ITPR2: variants seen among roughly 807,000 people sequenced by gnomAD.
ITPR2 encodes the protein inositol 1,4,5-trisphosphate-gated calcium channel ITPR2.
Under a neutral mutation model 317.1 loss-of-function variants are expected in ITPR2, and 207 were observed. That is an observed-to-expected ratio of 0.65 (90% CI 0.58 to 0.73). The LOEUF (loss-of-function observed/expected upper bound fraction) is 0.73. ITPR2 is among the 30% of genes least tolerant of loss of function. ITPR2 has a pLI of 0.00. For synonymous variants in ITPR2, 1,156 were observed against 1,149.1 expected (o/e 1.01, Z -0.12); for missense variants, 2,613 against 3,284.0 (o/e 0.80, Z 4.99).
chr12:26,532,863 T>C (rs1943982539), intron 37 of ITPR2, among the ~76,000 whole-genome samples: 1 of 152,002 alleles, frequency 6.6e-6, no homozygotes, highest in Admixed American at 6.6e-5. Context: ...TTTTTGTATT[T>C]TTAGTAGAGA....
intron 55 of ITPR2, among the ~76,000 whole-genome samples, chr12:26,372,461 C>T (rs749107149): frequency 6.6e-6 from 1 of 152,142 alleles, no homozygotes; most frequent in African/African-American, 2.4e-5. Context: ...GGGATGTTTA[C>T]GCATTTTACA....
chr12:26,540,531 A>G (rs182356208), intron 37 of ITPR2, among the ~76,000 whole-genome samples: 1 of 152,174 alleles, frequency 6.6e-6, no homozygotes, highest in Non-Finnish European at 1.5e-5. Context: ...CAAATGTCCT[A>G]TACTTACTAG....
intron 37 of ITPR2, among the ~76,000 whole-genome samples, chr12:26,499,346 A>G (rs1462974223): frequency 6.6e-6 from 1 of 152,216 alleles, no homozygotes; most frequent in African/African-American, 2.4e-5. Context: ...TAATATTCAG[A>G]CTGCCATAGA....
chr12:26,422,936 A>G (rs1021418908), intron 49 of ITPR2, among the ~76,000 whole-genome samples: 1 of 152,198 alleles, frequency 6.6e-6, no homozygotes, highest in African/African-American at 2.4e-5. Flanking sequence ...TCTCCATTTC[A>G]GGGGCATTAC....
chr12:26,599,059 G>T (rs756663471), intron 30 of ITPR2, 86 bp downstream of exon 30: 67 of 1,194,318 alleles, frequency 5.6e-5, no homozygotes, highest in Non-Finnish European at 7.2e-5. Flanking sequence ...AACCTATGTT[G>T]TTGGGGGCTT....
At chr12:26,428,167 T>C in intron 48 of ITPR2, 79 bp from the exon 49 acceptor site, 1 of 1,082,552 alleles carries the variant, frequency 9.2e-7, no homozygotes, top group Non-Finnish European at 1.3e-6. Flanking sequence ...CTACTTTATA[T>C]GGTATCATTA....
chr12:26,609,645 T>C lies in ITPR2; in HGVS notation c.3463-6939A>G, dbSNP rs2136770096. ...TGGAAAAGTTAAAAAAAAAAGATAG[T>C]AACTTATTTATAGCATGAAGGGAAA... On this transcript the variant is annotated intron_variant, in intron 26 of 56. Coordinates refer to ENST00000381340, the MANE Select transcript of ITPR2 (RefSeq NM_002223.4). Among the ~76,000 whole-genome samples, 4 of 152,016 alleles carry C rather than the reference T, an allele frequency of 2.6e-5. No individual in the cohort carries two copies. In the South Asian group the frequency reaches 8.3e-4, roughly 32 times the overall value.
chr12:26,589,851 TATACACAC>T (rs1186043620), intron 32 of ITPR2, among the ~76,000 whole-genome samples: 733 of 49,258 alleles, frequency 0.015, 20 homozygotes, highest in Non-Finnish European at 0.021. Flanking sequence ...TATATATATA[TATACACAC>T]ACACACACAC....
rs185344443 is a variant in ITPR2 at position 26,462,258 on chromosome 12, T to G, written c.6342+13038A>C. Among the ~76,000 whole-genome samples, 326 of 151,874 alleles carry G rather than the reference T, an allele frequency of 2.1e-3. 1 individual carries two copies. Among genetic ancestry groups the G allele is most frequent in the African/African-American group, 7.5e-3 (309 of 41,370 alleles). ...CTCGGCTCACTGCAACCTCCGCCTCTCAGGTTCAAGTGATTCTCGTGCCTC... is the reference window on the plus strand; with the variant it reads ...CTCGGCTCACTGCAACCTCCGCCTCGCAGGTTCAAGTGATTCTCGTGCCTC... On this transcript the variant is annotated intron_variant, in intron 45 of 56. Coordinates refer to ENST00000381340, the MANE Select transcript of ITPR2 (RefSeq NM_002223.4).
intron 42 of ITPR2, among the ~76,000 whole-genome samples, chr12:26,482,749 CAT>C (rs745312437): frequency 4.7e-4 from 72 of 152,164 alleles, no homozygotes; most frequent in Non-Finnish European, 7.2e-4. Flanking sequence ...TGCATGTACA[CAT>C]GTGTGTATAG....
Position 26,476,950 on chromosome 12 carries a change from C to A in ITPR2, c.6181G>T (p.Ala2061Ser). The A allele has an allele frequency of 1.2e-6, 2 of 1,613,344 alleles. No homozygotes were observed. Among genetic ancestry groups the A allele is most frequent in the Non-Finnish European group, 1.7e-6 (2 of 1,179,426 alleles). The change falls in exon 44 of 57, where the codon GCA becomes TCA. Residue 2061 changes from alanine (A) to serine (S), a missense_variant. Coordinates refer to ENST00000381340, the MANE Select transcript of ITPR2 (RefSeq NM_002223.4). The part of the protein sequence containing the change: ...IMESRHDSEN[A>S]ERILFNMRPR... ...CTCATGTTAAAAAGAATTCTTTCTG[C>A]ATTCTCACTGTCATGTCTGCTTTCC... is the stretch of plus-strand genomic sequence containing the variant.
intron 2 of ITPR2, among the ~76,000 whole-genome samples, chr12:26,753,367 G>A (rs1388064389): frequency 6.6e-6 from 1 of 152,176 alleles, no homozygotes; most frequent in East Asian, 1.9e-4. Flanking sequence ...ACCGCTATGG[G>A]TGACAGAATT....
chr12:26,358,877 T>C (rs1938730196), intron 55 of ITPR2, among the ~76,000 whole-genome samples: 1 of 152,070 alleles, frequency 6.6e-6, no homozygotes, highest in African/African-American at 2.4e-5. Context: ...CCACCAGGGG[T>C]TGGCTCCTGC....
chr12:26,816,939 G>A (rs1950865664), intron 1 of ITPR2, among the ~76,000 whole-genome samples: 1 of 152,002 alleles, frequency 6.6e-6, no homozygotes, highest in Non-Finnish European at 1.5e-5. Flanking sequence ...GGTCACTTTG[G>A]GAGGCCAAGG....
intron 35 of ITPR2, among the ~76,000 whole-genome samples, chr12:26,561,351 G>A (rs554084440): frequency 2.0e-5 from 3 of 152,292 alleles, no homozygotes; most frequent in South Asian, 4.1e-4. Flanking sequence ...ACAATTTCCA[G>A]GCCTAAATCA....
intron 37 of ITPR2, among the ~76,000 whole-genome samples, chr12:26,522,140 G>T (rs556206909): frequency 5.9e-5 from 9 of 152,198 alleles, no homozygotes; most frequent in Admixed American, 2.6e-4. Context: ...TGAATAAACA[G>T]GATGAACACT....
Position 26,340,284 on chromosome 12 carries a change from G to A in ITPR2, c.7902C>T (p.Leu2634=), listed in dbSNP as rs754845715. ...GCTCACTGTCGCCTTCATTGCTAAC[G>A]AGGGACATGGCTCGCATCCGAGGAA... The part of the protein sequence containing the change: ...DWFPRMRAMS[L]VSNEGDSEQN... Residue 2634 remains leucine (L), a synonymous_variant, in exon 56 of 57, where the codon CTC becomes CTT. Transcript: ENST00000381340. 13 of 1,609,652 alleles carry A rather than the reference G, an allele frequency of 8.1e-6. No homozygotes were observed. The highest frequency in any genetic ancestry group is 2.7e-5 in the African/African-American group (2 of 74,820).
At chr12:26,651,470 A>AT (rs550763635) in intron 21 of ITPR2, among the ~76,000 whole-genome samples, 3 of 152,132 alleles carry the variant, frequency 2.0e-5, no homozygotes, top group Non-Finnish European at 4.4e-5. Context: ...ATCAATTTTC[A>AT]TTTCATTTCT....
intron 2 of ITPR2, among the ~76,000 whole-genome samples, chr12:26,748,594 T>C (rs1159570121): frequency 2.0e-5 from 3 of 151,766 alleles, no homozygotes; most frequent in African/African-American, 7.2e-5. Flanking sequence ...GACTTCTAAA[T>C]TGTCTGCAGA....
Sources: allele counts gnomAD v4.1 joint callset (sites outside exome capture counted in the v4.1 genomes callset), GRCh38; gene constraint gnomAD v4.1.1; transcripts MANE v1.5; gene names NCBI Gene and HGNC (gene_info 2026-07-23, HGNC 2026-07-21).